Variants in DMPK observed in about 807,000 individuals in gnomAD.
The protein encoded by DMPK is myotonin-protein kinase.
In DMPK, 32 loss-of-function variants were observed where a neutral mutation model predicts 70.3. The observed-to-expected ratio is 0.46, with a 90% CI of 0.34 to 0.61. DMPK has a LOEUF of 0.61. Ranked by LOEUF, DMPK falls within the 20% of genes least tolerant of loss-of-function variation. The probability of loss-of-function intolerance (pLI) is 0.01; values close to 1 mark genes in which losing one functional copy is unlikely to be tolerated. For missense variants in DMPK, 899 were observed against 886.0 expected, an observed-to-expected ratio of 1.01 and a Z score of -0.19; for synonymous variants, 469 against 390.9, an observed-to-expected ratio of 1.20 and a Z score of -2.36.
At position 45,771,856 on chromosome 19, in the gene DMPK, C is replaced by T; in HGVS notation, c.1417G>A (p.Glu473Lys). ...GTGAGCACCTCCTCCTCCAGGGCTT[C>T]CTGGAGCTCCCGCAGCGTCACCTCG... The part of the protein sequence containing the change: ...EAEVTLRELQ[E>K]ALEEEVLTRQ... Residue 473 changes from glutamate (E) to lysine (K), a missense_variant, in exon 11 of 15, where the codon GAA (glutamate) becomes AAA (lysine). Transcript: ENST00000291270. The T allele has an allele frequency of 6.3e-7, 1 of 1,580,502 alleles. No individual in the cohort carries two copies. The highest frequency in any genetic ancestry group is 8.6e-7 in the Non-Finnish European group (1 of 1,163,510).
rs1309281523 is a variant in DMPK, at chr19:45,772,730, T to G, written c.1255A>C (p.Thr419Pro). ...TGCTCGGCCTCCAGTTCCATGGGTGTGGGGCCTGGGACCTCACTGTCCCTG... is the reference window on the plus strand; with the variant it reads ...TGCTCGGCCTCCAGTTCCATGGGTGGGGGGCCTGGGACCTCACTGTCCCTG... ...ALRDSEVPGPTPMELEAEQLL... is the reference protein window; with the variant it reads ...ALRDSEVPGPPPMELEAEQLL... Residue 419 changes from threonine (T) to proline (P), a missense_variant, in exon 10 of 15, where the codon ACA becomes CCA. Thr to Pro is a conservative substitution (Grantham distance 38). Coordinates refer to ENST00000291270, the MANE Select transcript of DMPK (RefSeq NM_004409.5). 38 of 1,508,328 alleles carry G rather than the reference T, an allele frequency of 2.5e-5. No individual in the cohort carries two copies. The highest frequency in any genetic ancestry group is 3.3e-5 in the Non-Finnish European group (38 of 1,140,192). The allele number at this position is 1,508,328 out of a possible 1,614,324, so 93.4% of individuals were successfully genotyped here.
chr19:45,770,533 T>G lies in DMPK; in HGVS notation c.1845A>C (p.Gln615His). The G allele has an allele frequency of 6.4e-7, 1 of 1,550,390 alleles. No individual in the cohort carries two copies. Among genetic ancestry groups the G allele is most frequent in the Non-Finnish European group, 8.7e-7 (1 of 1,146,784 alleles). Residue 615 changes from glutamine to histidine, a missense_variant, in exon 15 of 15, where the codon CAA (glutamine) becomes CAC (histidine). By Grantham distance (24) the Gln-to-His change is conservative (BLOSUM62 0). This residue lies in a region of DMPK where 555 missense variants were observed against 483.8 expected (regional missense o/e 1.15). Transcript: ENST00000291270. ...GCIGLVAHAG[Q>H]LTAVWRRPGA... is the part of the protein sequence containing the mutation. ...CTGGGCGGCGCCAGACTGCGGTGAGTTGGCCGGCGTGGGCCACCAACCCAA... is the reference window on the plus strand; with the variant it reads ...CTGGGCGGCGCCAGACTGCGGTGAGGTGGCCGGCGTGGGCCACCAACCCAA...
At chr19:45,776,842 A>T (rs1969798915) in intron 8 of DMPK, 1 of 155,118 alleles carries the variant, frequency 6.4e-6, no homozygotes, top group African/African-American at 2.4e-5. Flanking sequence ...CTAGACTGCA[A>T]CTGGATGAGG....
rs765503777 is a variant in DMPK, at chr19:45,778,656, G to A, written c.433-15C>T. On this transcript the variant is annotated splice_polypyrimidine_tract_variant and intron_variant, in intron 4 of 14. Transcript: ENST00000291270. ...ATGACCAGGTACTGAGAAGGGGTTC[G>A]TCATGGGTGGTTGGTAGTCCCCTGA... 40 of 1,611,414 alleles carry A rather than the reference G, an allele frequency of 2.5e-5. No homozygotes were observed. The highest frequency in any genetic ancestry group is 3.3e-5 in the Admixed American group (2 of 59,866).
At chr19:45,776,500 G>A (rs1231116911) in intron 8 of DMPK, among the ~76,000 whole-genome samples, 10 of 151,766 alleles carry the variant, frequency 6.6e-5, no homozygotes, top group South Asian at 2.1e-4. Flanking sequence ...GTCTCTCTCC[G>A]TTGCCCAGGC....
chr19:45,780,910 G>A (rs1970078343), intron 1 of DMPK, among the ~76,000 whole-genome samples: 1 of 152,028 alleles, frequency 6.6e-6, no homozygotes, highest in African/African-American at 2.4e-5. Flanking sequence ...GGCCACAAAA[G>A]GAGTGCTCCT....
rs752983975 is a variant in DMPK at position 45,778,494 on chromosome 19, T to A, written c.580A>T (p.Arg194Trp). Residue 194 changes from arginine to tryptophan, a missense_variant and splice_region_variant, in exon 5 of 15, where the codon AGG becomes TGG. Transcript: ENST00000291270. Reference sequence around the variant, plus strand: ...TCCCCTCGGCCATGCTGCACCCACCTGTGCACGTAGCCAAGCCGGTGCACC... The same window carrying A: ...TCCCCTCGGCCATGCTGCACCCACCAGTGCACGTAGCCAAGCCGGTGCACC... ...DSVHRLGYVHRDIKPDNILLD... is the reference protein window; with the variant it reads ...DSVHRLGYVHWDIKPDNILLD... The A allele has an allele frequency of 1.9e-6, 3 of 1,613,598 alleles. No individual in the cohort carries two copies.
In DMPK at chr19:45,779,712, C is replaced by T. The variant is rs689034; in HGVS notation, c.252+66G>A. Reference sequence around the variant, plus strand: ...CTCGGTCATTCATCAATTTCTAAGGCCCCGCCCCAACCCCTATGCCCCGCC... The same window carrying T: ...CTCGGTCATTCATCAATTTCTAAGGTCCCGCCCCAACCCCTATGCCCCGCC... On this transcript the variant is annotated intron_variant, in intron 2 of 14. Transcript: ENST00000291270. The T allele has an allele frequency of 3.9e-6, 6 of 1,532,192 alleles. No individual in the cohort carries two copies. In the African/African-American group the frequency reaches 6.9e-5, roughly 18 times the overall value. The allele number at this position is 1,532,192 out of a possible 1,614,324, so 94.9% of individuals were successfully genotyped here. A position where few individuals can be genotyped will look rare whatever the true frequency, so the allele number is the denominator to read the frequency against.
chr19:45,779,697 C>G, intron 2 of DMPK, 81 bp downstream of exon 2: 1 of 1,529,732 alleles, frequency 6.5e-7, no homozygotes, highest in South Asian at 1.3e-5. Flanking sequence ...CTCGGTCATT[C>G]ATCAATTTCT....
chr19:45,771,731 C>T (rs749064317), intron 11 of DMPK, 40 bp downstream of exon 11: 7 of 1,602,262 alleles, frequency 4.4e-6, no homozygotes, highest in East Asian at 2.2e-5. Flanking sequence ...GGGTTGCCAC[C>T]GGCCCGCATC....
Position 45,777,289 on chromosome 19 carries a change from G to T in DMPK, c.1146+38C>A. On this transcript the variant is annotated intron_variant, in intron 8 of 14. Transcript: ENST00000291270. This position sits in a 1 kb window ranked among gnomAD's most constrained non-coding sequence, Gnocchi z 6.7. ...TCCAACTTTATGGAGGGAGCATGGG[G>T]AGGTTCCCGCAGCCGAGCAGGGGCC... 1 of 1,526,992 alleles carries T rather than the reference G, an allele frequency of 6.5e-7. No individual in the cohort carries two copies. The highest frequency in any genetic ancestry group is 1.3e-5 in the South Asian group (1 of 77,414). The allele number at this position is 1,526,992 out of a possible 1,614,324, so 94.6% of individuals were successfully genotyped here.
At chr19:45,775,531 T>TG (rs977026246) in intron 8 of DMPK, among the ~76,000 whole-genome samples, 2 of 109,250 alleles carry the variant, frequency 1.8e-5, no homozygotes, top group Non-Finnish European at 3.9e-5. Context: ...TGTTTTTTTT[T>TG]TTTAGATGGA....
intron 5 of DMPK, 104 bp from the exon 6 acceptor site, chr19:45,778,324 G>A: frequency 1.4e-6 from 2 of 1,388,808 alleles, no homozygotes. Context: ...CACTTCCTCG[G>A]GTTCCGCCCC....
rs1970162301 is a variant in DMPK at position 45,782,213 on chromosome 19, A to G, written c.140T>C (p.Val47Ala). 7.0e-7 allele frequency: 1 copy of G among 1,425,714 alleles called. No homozygotes were observed. Among genetic ancestry groups the G allele is most frequent in the Non-Finnish European group, 9.3e-7 (1 of 1,070,502 alleles). 88.3% of individuals were successfully genotyped at this position (1,425,714 alleles called of 1,614,324 possible). A position where few individuals can be genotyped will look rare whatever the true frequency, so the allele number is the denominator to read the frequency against. The change falls in exon 1 of 15, where the codon GTG (valine) becomes GCG (alanine). Residue 47 changes from valine (V) to alanine (A), a missense_variant. By Grantham distance (64) the Val-to-Ala change is moderately conservative. This residue lies in a region of DMPK where 149 missense variants were observed against 142.5 expected (regional missense o/e 1.05). Transcript: ENST00000291270. The stretch of plus-strand genomic sequence containing the variant: ...CTCACCCCACTGCAAGAAGTCGGCC[A>G]CGTACTTGTCCTGGGCCAGTTCGGA... ...GASELAQDKY[V>A]ADFLQWAEPI... is the part of the protein sequence containing the mutation.
rs1179867151 is a variant in DMPK, at chr19:45,777,311, G to A, written c.1146+16C>T. The A allele has an allele frequency of 1.3e-6, 2 of 1,548,552 alleles. No homozygotes were observed. Among genetic ancestry groups the A allele is most frequent in the East Asian group, 4.5e-5 (2 of 44,238 alleles). The stretch of plus-strand genomic sequence containing the variant: ...GGGGAGGTTCCCGCAGCCGAGCAGG[G>A]GCCACAGGTACCTACCCCGCCCCCG... On this transcript the variant is annotated intron_variant, in intron 8 of 14. Coordinates refer to ENST00000291270, the MANE Select transcript of DMPK (RefSeq NM_004409.5). This position sits in a 1 kb window ranked among gnomAD's most constrained non-coding sequence, Gnocchi z 6.7.
intron 9 of DMPK, among the ~76,000 whole-genome samples, chr19:45,774,649 T>C (rs1969676009): frequency 1.3e-5 from 2 of 152,288 alleles, no homozygotes; most frequent in Middle Eastern, 6.8e-3. Flanking sequence ...AAGTCTAAAC[T>C]TCATATTTTC....
chr19:45,770,682 G>C (rs966044018), intron 14 of DMPK, 42 bp from the exon 15 acceptor site: 2 of 1,542,226 alleles, frequency 1.3e-6, no homozygotes, highest in African/African-American at 2.7e-5. Flanking sequence ...ATGGGCCTCT[G>C]ATTGGCTCCT....
Position 45,779,874 on chromosome 19 carries a change from G to C in DMPK, c.161-5C>G. On this transcript the variant is annotated splice_region_variant and splice_polypyrimidine_tract_variant and intron_variant, in intron 1 of 14. Coordinates refer to ENST00000291270, the MANE Select transcript of DMPK (RefSeq NM_004409.5). ...GCCTCACCACGATGGGCTCCGCTGG[G>C]GGGGTGGTGGGGGAAAAGAACCGAG... 2 of 1,613,522 alleles carry C rather than the reference G, an allele frequency of 1.2e-6. No individual in the cohort carries two copies. The highest frequency in any genetic ancestry group is 1.7e-6 in the Non-Finnish European group (2 of 1,179,878).
In DMPK at chr19:45,782,481, G is replaced by A. The variant is rs958790799; in HGVS notation, c.-129C>T. On this transcript the variant is annotated 5_prime_UTR_variant, in exon 1 of 15. Coordinates refer to ENST00000291270, the MANE Select transcript of DMPK (RefSeq NM_004409.5). ...GTCTGCCTGTCCCTGGCTGTCCCCTGGGCCTCTCTGGCCACTTCTCTCTGC... is the reference window on the plus strand; with the variant it reads ...GTCTGCCTGTCCCTGGCTGTCCCCTAGGCCTCTCTGGCCACTTCTCTCTGC... 37 of 1,084,444 alleles carry A rather than the reference G, an allele frequency of 3.4e-5. No individual in the cohort carries two copies. The highest frequency in any genetic ancestry group is 1.2e-4 in the South Asian group (7 of 58,652). 67.2% of individuals were successfully genotyped at this position (1,084,444 alleles called of 1,614,324 possible). A position where few individuals can be genotyped will look rare whatever the true frequency, so the allele number is the denominator to read the frequency against.
Sources: allele counts gnomAD v4.1 joint callset (sites outside exome capture counted in the v4.1 genomes callset), GRCh38; gene constraint gnomAD v4.1.1; regional missense constraint gnomAD v4.1.1; non-coding constraint Gnocchi (gnomAD v3.1); transcripts MANE v1.5; gene names NCBI Gene and HGNC (gene_info 2026-07-23, HGNC 2026-07-21).